ASB15: variants seen among roughly 807,000 people sequenced by gnomAD.
ASB15 encodes the protein ankyrin repeat and SOCS box protein 15.
Under a neutral mutation model 58.0 loss-of-function variants are expected in ASB15, and 54 were observed. The ratio of observed to expected loss-of-function variants is 0.93; its 90% CI spans 0.75 to 1.17. ASB15 has a LOEUF of 1.17. ASB15 is among the 50% of genes most tolerant of loss of function. ASB15 has a pLI of 0.00. For missense variants in ASB15, 680 were observed against 707.4 expected, an observed-to-expected ratio of 0.96 and a Z score of 0.44; for synonymous variants, 249 against 262.4, an observed-to-expected ratio of 0.95 and a Z score of 0.50.
intron 1 of ASB15, among the ~76,000 whole-genome samples, chr7:123,588,205 C>A (rs1222777491): frequency 6.6e-6 from 1 of 151,600 alleles, no homozygotes; most frequent in African/African-American, 2.4e-5. Flanking sequence ...ATTTAATTTC[C>A]TTTCTCATTT....
chr7:123,583,190 A>G (rs948657795), intron 1 of ASB15, among the ~76,000 whole-genome samples: 1 of 151,992 alleles, frequency 6.6e-6, no homozygotes. Flanking sequence ...CAGGAGTTCA[A>G]GATCAGCTGG....
rs1336027221 is a variant in ASB15, at chr7:123,627,236, C to T, written c.824C>T (p.Ala275Val). The T allele has an allele frequency of 6.2e-7, 1 of 1,613,864 alleles. No individual in the cohort carries two copies. Among genetic ancestry groups the T allele is most frequent in the Non-Finnish European group, 8.5e-7 (1 of 1,179,854 alleles). The change falls in exon 9 of 12, where the codon GCA becomes GTA. Residue 275 changes from alanine to valine, a missense_variant. Physicochemically the swap from Ala to Val is moderately conservative, Grantham distance 64. Transcript: ENST00000451215. Reference protein sequence around the residue: ...YGGSGNVPNRAGHLPIHRAAY... With the variant: ...YGGSGNVPNRVGHLPIHRAAY... ...GGAAGCGGAAATGTACCTAACCGAG[C>T]AGGACATCTTCCTATACACCGAGCT...
chr7:123,611,227 C>G (rs2116478737), intron 3 of ASB15, among the ~76,000 whole-genome samples: 1 of 152,224 alleles, frequency 6.6e-6, no homozygotes, highest in African/African-American at 2.4e-5. Context: ...GAAATAATTT[C>G]CCATAGACTG....
chr7:123,579,596 A>C (rs2116311721), intron 1 of ASB15, among the ~76,000 whole-genome samples: 1 of 152,208 alleles, frequency 6.6e-6, no homozygotes, highest in African/African-American at 2.4e-5. Flanking sequence ...TCAAAATGAA[A>C]GTTAAAACTT....
At chr7:123,592,028 G>A (rs1799553434) in intron 1 of ASB15, among the ~76,000 whole-genome samples, 1 of 152,116 alleles carries the variant, frequency 6.6e-6, no homozygotes, top group African/African-American at 2.4e-5. Flanking sequence ...TTAGTCTTGG[G>A]AGGGTGTATG....
chr7:123,610,292 C>A (rs1272521997), intron 3 of ASB15, among the ~76,000 whole-genome samples: 1 of 152,112 alleles, frequency 6.6e-6, no homozygotes, highest in Non-Finnish European at 1.5e-5. Flanking sequence ...ATAATACCTA[C>A]AATATAGAAT....
At chr7:123,597,604 G>A (rs535476496), upstream of ASB15, among the ~76,000 whole-genome samples, 25 of 152,232 alleles carry the variant, frequency 1.6e-4, no homozygotes, top group African/African-American at 5.8e-4. Flanking sequence ...GGCCAAGGTG[G>A]GCAGATCACT....
chr7:123,623,947 GA>G (rs1202694603), intron 7 of ASB15, among the ~76,000 whole-genome samples: 3 of 78,632 alleles, frequency 3.8e-5, no homozygotes, highest in African/African-American at 1.3e-4. Flanking sequence ...AAGAAAGAAA[GA>G]AAGAAAGAAA....
intron 1 of ASB15, among the ~76,000 whole-genome samples, chr7:123,581,590 T>C (rs1799236171): frequency 1.3e-5 from 2 of 151,892 alleles, no homozygotes; most frequent in African/African-American, 4.8e-5. Flanking sequence ...TTCTGAAAAG[T>C]CTTTCGGTTA....
intron 7 of ASB15, among the ~76,000 whole-genome samples, chr7:123,619,224 G>T (rs1390377781): frequency 6.7e-6 from 1 of 148,524 alleles, no homozygotes; most frequent in Admixed American, 6.7e-5. Flanking sequence ...TAAGCCAGAC[G>T]CTGTCCTGGG....
At chr7:123,624,536 T>C in intron 7 of ASB15, 33 bp from the exon 8 acceptor site, 1 of 1,585,022 alleles carries the variant, frequency 6.3e-7, no homozygotes, top group East Asian at 2.2e-5. Context: ...TGTGTTAATA[T>C]ACTTACTGTT....
chr7:123,585,054 A>G (rs1168333533), intron 1 of ASB15: 1 of 151,812 alleles, frequency 6.6e-6, no homozygotes, highest in East Asian at 1.9e-4. Flanking sequence ...AATTACGAGG[A>G]AAGATCTTCC....
Position 123,593,738 on chromosome 7 carries a change from AT to A in ASB15, c.-442-10293del, listed in dbSNP as rs1401423819. ...TTTTCCTTCATTTCAACCTTGGTGA[AT>A]CTGAACACTTATGTGTCTTGGGGTT... On this transcript the variant is annotated intron_variant, in intron 1 of 13. Coordinates refer to the ASB15 transcript ENST00000451558. Among the ~76,000 whole-genome samples, 4 of 152,116 alleles carry A rather than the reference AT, an allele frequency of 2.6e-5. No individual in the cohort carries two copies. In the East Asian group the frequency reaches 7.8e-4, roughly 30 times the overall value.
At chr7:123,573,573 C>T (rs1385712494) in intron 1 of ASB15, among the ~76,000 whole-genome samples, 3 of 152,114 alleles carry the variant, frequency 2.0e-5, no homozygotes, top group Non-Finnish European at 4.4e-5. Context: ...CTCCCCCTGC[C>T]ATCCCAAACA....
intron 1 of ASB15, among the ~76,000 whole-genome samples, chr7:123,576,512 T>A (rs1799069743): frequency 6.6e-6 from 1 of 152,176 alleles, no homozygotes; most frequent in African/African-American, 2.4e-5. Flanking sequence ...ATTTCTCACT[T>A]TAAAATAAGT....
chr7:123,580,382 T>C (rs1393211957), intron 1 of ASB15, among the ~76,000 whole-genome samples: 3 of 152,028 alleles, frequency 2.0e-5, no homozygotes, highest in Non-Finnish European at 4.4e-5. Context: ...GTCATCACAA[T>C]CAAACTTGCT....
At chr7:123,620,507 C>CATTT (rs1801175221) in intron 7 of ASB15, among the ~76,000 whole-genome samples, 1 of 29,624 alleles carries the variant, frequency 3.4e-5, no homozygotes, top group Non-Finnish European at 5.6e-5. Flanking sequence ...CATATACATA[C>CATTT]ATATATATAT....
chr7:123,624,676 C>G lies in ASB15; in HGVS notation c.559C>G (p.Gln187Glu), dbSNP rs1307741064. 2 of 1,614,134 alleles carry G rather than the reference C, an allele frequency of 1.2e-6. No individual in the cohort carries two copies. Among genetic ancestry groups the G allele is most frequent in the Non-Finnish European group, 1.7e-6 (2 of 1,180,016 alleles). Residue 187 changes from glutamine (Q) to glutamate (E), a missense_variant, in exon 8 of 12, where the codon CAA (glutamine) becomes GAA (glutamate). Transcript: ENST00000451215. ...RWSAMHEAAK[Q>E]GRKDIVALLL... ...GTCAGCAATGCATGAAGCAGCCAAG[C>G]AAGGCCGAAAAGATATCGTAGCTCT... is the stretch of plus-strand genomic sequence containing the variant.
intron 8 of ASB15, among the ~76,000 whole-genome samples, chr7:123,625,449 T>A (rs963012881): frequency 6.6e-6 from 1 of 152,160 alleles, no homozygotes; most frequent in African/African-American, 2.4e-5. Flanking sequence ...TATTGCATCA[T>A]CTCAAATTGT....
Sources: allele counts gnomAD v4.1 joint callset (sites outside exome capture counted in the v4.1 genomes callset), GRCh38; gene constraint gnomAD v4.1.1; transcripts MANE v1.5; gene names NCBI Gene and HGNC (gene_info 2026-07-23, HGNC 2026-07-21).